The following DMD variants were observed in gnomAD, a reference collection of about 807,000 sequenced individuals.
The protein encoded by DMD is mutant dystrophin.
In DMD, 63 loss-of-function variants were observed where a neutral mutation model predicts 330.1. The ratio of observed to expected loss-of-function variants is 0.19; its 90% CI spans 0.16 to 0.24. The LOEUF is 0.24. DMD is among the 10% of genes least tolerant of loss of function. The probability of loss-of-function intolerance (pLI) is 1.00; values close to 1 mark genes in which losing one functional copy is unlikely to be tolerated. For missense variants in DMD, 3,344 were observed against 2,684.1 expected (o/e 1.25, Z -5.43); for synonymous variants, 1,223 against 959.8 (o/e 1.27, Z -5.07).
intron 30 of DMD, among the ~76,000 whole-genome samples, chrX:32,403,896 T>A (rs922030295): frequency 9.8e-5 from 11 of 112,175 alleles, no homozygotes; most frequent in African/African-American, 3.2e-4. Flanking sequence ...TTTGCAGGTT[T>A]CTGCTGTCTA....
intron 13 of DMD, among the ~76,000 whole-genome samples, chrX:32,590,577 T>A (rs12115973): frequency 0.24 from 27,035 of 110,818 alleles, 5,788 homozygotes; most frequent in African/African-American, 0.7. Context: ...AGGGATAAAG[T>A]AGCTTGCTTG....
intron 44 of DMD, among the ~76,000 whole-genome samples, chrX:32,143,985 C>T (rs2096766736): frequency 9.0e-6 from 1 of 111,053 alleles, no homozygotes; most frequent in South Asian, 3.8e-4. Context: ...GTTCTGGGTA[C>T]CTAATAAACT....
intron 11 of DMD, among the ~76,000 whole-genome samples, chrX:32,626,858 G>A (rs1285429841): frequency 1.9e-5 from 2 of 104,873 alleles, no homozygotes; most frequent in East Asian, 5.7e-4. Flanking sequence ...TCCAAGATAG[G>A]TTAAAAAACA....
chrX:31,729,876 A>G (rs990612433), intron 51 of DMD, 128 bp from the exon 52 acceptor site: 1 of 527,326 alleles, frequency 1.9e-6, no homozygotes, highest in Non-Finnish European at 3.3e-6. Flanking sequence ...ATGTTACTGT[A>G]TAAGGGTTTA....
At chrX:32,267,255 T>C (rs1283006342) in intron 43 of DMD, among the ~76,000 whole-genome samples, 1 of 112,340 alleles carries the variant, frequency 8.9e-6, no homozygotes, top group Non-Finnish European at 1.9e-5. Context: ...TTAAACTTTC[T>C]TCTTTATACA....
chrX:31,513,794 T>G (rs147002262), intron 55 of DMD, among the ~76,000 whole-genome samples: 219 of 111,677 alleles, frequency 2.0e-3, no homozygotes, highest in African/African-American at 6.7e-3. Context: ...AAGCACTGTA[T>G]ATACATGAGC....
chrX:33,331,142 G>A (rs1414255201), intron 1 of DMD, among the ~76,000 whole-genome samples: 1 of 111,664 alleles, frequency 9.0e-6, no homozygotes, highest in Non-Finnish European at 1.9e-5. Context: ...TTCAGTTGGT[G>A]GGCTCTAATC....
intron 1 of DMD, among the ~76,000 whole-genome samples, chrX:33,070,673 C>CTATA (rs59422325): frequency 5.1e-4 from 18 of 35,631 alleles, no homozygotes; most frequent in African/African-American, 1.8e-3. Flanking sequence ...CTCTCTCTCT[C>CTATA]TATATATATA....
At chrX:32,363,082 A>C in intron 36 of DMD, 124 bp from the exon 37 acceptor site, 1 of 672,669 alleles carries the variant, frequency 1.5e-6, no homozygotes, top group Non-Finnish European at 2.3e-6. Context: ...GAGAGAGAGA[A>C]AGTAAGAAAA....
chrX:32,007,294 T>A (rs970356164), intron 44 of DMD, among the ~76,000 whole-genome samples: 1 of 108,778 alleles, frequency 9.2e-6, no homozygotes, highest in Non-Finnish European at 1.9e-5. Flanking sequence ...AAGAGGGTTA[T>A]GTGAGGTCAG....
At chrX:33,021,690 AAAT>A (rs763156587) in intron 1 of DMD, among the ~76,000 whole-genome samples, 39 of 111,925 alleles carry the variant, frequency 3.5e-4, no homozygotes, top group Non-Finnish European at 6.0e-4. Context: ...AACAGTGAAT[AAAT>A]AAATTTCAAA....
At chrX:32,656,830 T>C (rs1168269008) in intron 9 of DMD, among the ~76,000 whole-genome samples, 1 of 112,132 alleles carries the variant, frequency 8.9e-6, no homozygotes, top group African/African-American at 3.2e-5. Context: ...AGGTCATTTG[T>C]GCTTCCAATT....
chrX:31,543,828 G>C (rs980523948), intron 55 of DMD, among the ~76,000 whole-genome samples: 1 of 111,312 alleles, frequency 9.0e-6, no homozygotes, highest in Non-Finnish European at 1.9e-5. Flanking sequence ...GAACCGATAA[G>C]TATGTTCTTG....
At chrX:33,193,293 C>T (rs1418231414) in intron 1 of DMD, among the ~76,000 whole-genome samples, 2 of 111,794 alleles carry the variant, frequency 1.8e-5, no homozygotes, top group Non-Finnish European at 3.8e-5. Flanking sequence ...GGCAACAGAG[C>T]GAGACTCTGT....
intron 11 of DMD, among the ~76,000 whole-genome samples, chrX:32,630,464 T>C (rs749391690): frequency 3.6e-5 from 4 of 111,060 alleles, no homozygotes; most frequent in Non-Finnish European, 7.5e-5. Context: ...ACTTGAATTT[T>C]AATCTCTCTC....
At chrX:31,599,986 A>C (rs777677537) in intron 55 of DMD, among the ~76,000 whole-genome samples, 39 of 111,385 alleles carry the variant, frequency 3.5e-4, no homozygotes, top group Admixed American at 2.8e-3. Context: ...GCTGGAGTGC[A>C]GTTGTGCCAT....
At chrX:32,980,343 TG>T (rs1259654344) in intron 2 of DMD, among the ~76,000 whole-genome samples, 11 of 78,993 alleles carry the variant, frequency 1.4e-4, no homozygotes, top group Admixed American at 5.6e-4. Flanking sequence ...CACTCCTGCT[TG>T]GGCGACAGAG....
Position 31,690,092 on chromosome X carries a change from T to G in DMD, c.7661-10506A>C, listed in dbSNP as rs191769446. 6.8e-3 allele frequency among the ~76,000 whole-genome samples: 762 copies of G among 111,824 alleles called. 8 individuals are homozygous for G. Among genetic ancestry groups the G allele is most frequent in the African/African-American group, 0.023 (712 of 30,706 alleles). Reference sequence around the variant, plus strand: ...TTCATGTCTAAAACACCAAAAGCAATGGCAACAAAAGCCAAAACGGACAAA... The same window carrying G: ...TTCATGTCTAAAACACCAAAAGCAAGGGCAACAAAAGCCAAAACGGACAAA... On this transcript the variant is annotated intron_variant, in intron 52 of 78. Transcript: ENST00000357033.
intron 7 of DMD, among the ~76,000 whole-genome samples, chrX:32,746,857 C>T (rs1254292040): frequency 2.7e-5 from 3 of 110,959 alleles, no homozygotes; most frequent in African/African-American, 9.9e-5. Context: ...CCTTTCCTCC[C>T]TCTCCTCCCT....
Sources: gnomAD v4.1 joint callset for allele counts (sites outside exome capture counted in the v4.1 genomes callset) on GRCh38, gnomAD v4.1.1 for gene constraint, MANE v1.5 for transcripts, NCBI Gene and HGNC (gene_info 2026-07-23, HGNC 2026-07-21) for gene names.